Variants in AKAP7 observed in about 807,000 individuals in gnomAD.
AKAP7 encodes the protein A-kinase anchoring protein 7.
In AKAP7, 39 loss-of-function variants were observed where a neutral mutation model predicts 39.5. The ratio of observed to expected loss-of-function variants is 0.99; its 90% CI spans 0.76 to 1.29. The LOEUF (loss-of-function observed/expected upper bound fraction) is 1.29. Ranked by LOEUF, AKAP7 falls within the 50% of genes most tolerant of loss-of-function variation. The pLI is 0.00. For missense variants in AKAP7, 414 were observed against 407.7 expected, an observed-to-expected ratio of 1.02 and a Z score of -0.13; for synonymous variants, 140 against 139.1, an observed-to-expected ratio of 1.01 and a Z score of -0.05.
At chr6:131,269,244 G>A (rs1488387763) in intron 7 of AKAP7, among the ~76,000 whole-genome samples, 21 of 152,240 alleles carry the variant, frequency 1.4e-4, no homozygotes, top group Admixed American at 1.3e-3. Context: ...TGTATTTTTA[G>A]TGGAGACAAG....
chr6:131,127,744 T>C, the AKAP7 span, among the ~76,000 whole-genome samples: 2 of 152,234 alleles, frequency 1.3e-5, no homozygotes, highest in South Asian at 4.1e-4. Flanking sequence ...ATTGCAGCAC[T>C]ATTCACAATA....
intron 7 of AKAP7, chr6:131,250,486 C>T (rs570942589): frequency 5.6e-4 from 892 of 1,603,846 alleles, no homozygotes; most frequent in Non-Finnish European, 7.2e-4. Context: ...AGGGTGTGCT[C>T]GCAGACTGTG....
intron 5 of AKAP7, among the ~76,000 whole-genome samples, chr6:131,172,483 C>T (rs1276734313): frequency 1.3e-5 from 2 of 152,026 alleles, no homozygotes; most frequent in African/African-American, 4.8e-5. Context: ...CAGGTGTGTG[C>T]CACCATGGCC....
chr6:131,152,478 A>C (rs949711265), intron 2 of AKAP7, among the ~76,000 whole-genome samples: 2 of 152,234 alleles, frequency 1.3e-5, no homozygotes, highest in East Asian at 3.9e-4. Flanking sequence ...TTATACTTTG[A>C]CCATATATAA....
At chr6:131,209,785 C>T (rs2128290255) in intron 6 of AKAP7, among the ~76,000 whole-genome samples, 1 of 151,310 alleles carries the variant, frequency 6.6e-6, no homozygotes, top group East Asian at 2.0e-4. Context: ...TTTTCTTAGT[C>T]AAGGACAAAG....
At chr6:131,171,836 G>T (rs1804083076) in intron 5 of AKAP7, among the ~76,000 whole-genome samples, 3 of 152,148 alleles carry the variant, frequency 2.0e-5, no homozygotes, top group Non-Finnish European at 2.9e-5. Context: ...CAAGAGAGTG[G>T]TAGAATGTTT....
At chr6:131,193,195 G>A (rs1806583500) in intron 5 of AKAP7, among the ~76,000 whole-genome samples, 1 of 152,014 alleles carries the variant, frequency 6.6e-6, no homozygotes, top group Admixed American at 6.5e-5. Flanking sequence ...TCCTTATTCA[G>A]TATGATACGA....
At chr6:131,241,577 ATGTG>A (rs749601887) in intron 7 of AKAP7, among the ~76,000 whole-genome samples, 4,988 of 81,238 alleles carry the variant, frequency 0.061, 206 homozygotes, top group Middle Eastern at 0.097. Context: ...GATTATATAT[ATGTG>A]TGTGTGTGTG....
chr6:131,155,712 A>G (rs1262073826), intron 2 of AKAP7, among the ~76,000 whole-genome samples: 1 of 152,192 alleles, frequency 6.6e-6, no homozygotes, highest in African/African-American at 2.4e-5. Context: ...TCCAAAGGTG[A>G]CCTGTGAGTT....
chr6:131,266,135 G>C (rs1352651052), intron 7 of AKAP7, among the ~76,000 whole-genome samples: 1 of 152,150 alleles, frequency 6.6e-6, no homozygotes, highest in Non-Finnish European at 1.5e-5. Flanking sequence ...AGGAACAGTA[G>C]GACATTGTAG....
chr6:131,282,797 A>G lies in AKAP7; in HGVS notation c.*1071A>G. The G allele has an allele frequency of 2.0e-6, 1 of 490,698 alleles. No homozygotes were observed. 30.4% of individuals were successfully genotyped at this position (490,698 alleles called of 1,614,324 possible). ...ATTTTTTGAGCTACACTTGTGTTTTAGAATATCTGTTTCTGTAATATTGAG... is the reference window on the plus strand; with the variant it reads ...ATTTTTTGAGCTACACTTGTGTTTTGGAATATCTGTTTCTGTAATATTGAG... On this transcript the variant is annotated 3_prime_UTR_variant, in exon 8 of 8. Coordinates refer to ENST00000431975, the MANE Select transcript of AKAP7 (RefSeq NM_016377.4).
chr6:131,250,591 T>C lies in AKAP7; in HGVS notation c.850+30783T>C, dbSNP rs74455677. On this transcript the variant is annotated intron_variant, in intron 7 of 7. Transcript: ENST00000431975. ...CCATGGGCCAGCTTTGCTGCTTTCC[T>C]TTCTCAAGAGATGAAGGAAAAATCA... 248 of 1,614,054 alleles carry C rather than the reference T, an allele frequency of 1.5e-4. 1 individual carries two copies. In the African/African-American group the frequency reaches 2.9e-3, roughly 19 times the overall value.
chr6:131,223,822 C>A (rs866501353), intron 7 of AKAP7, among the ~76,000 whole-genome samples: 1 of 152,286 alleles, frequency 6.6e-6, no homozygotes, highest in Middle Eastern at 3.4e-3. Flanking sequence ...AAGCTTATAT[C>A]ATAGATTACC....
intron 7 of AKAP7, among the ~76,000 whole-genome samples, chr6:131,241,639 G>GTGTGTGTGTGTGTATAT (rs1811631781): frequency 2.2e-5 from 2 of 90,778 alleles, no homozygotes; most frequent in African/African-American, 8.7e-5. Flanking sequence ...ATATATATAT[G>GTGTGTGTGTGTGTATAT]ACAGTTATAG....
At position 131,266,698 on chromosome 6, in the gene AKAP7, TGTTGTTG is replaced by T. The variant is rs1269229754; in HGVS notation, c.851-14831_851-14825del. Among the ~76,000 whole-genome samples, 544 of 147,900 alleles carry T rather than the reference TGTTGTTG, an allele frequency of 3.7e-3. 7 individuals are homozygous for T. The highest frequency in any genetic ancestry group is 0.027 in the Admixed American group (378 of 14,054). On this transcript the variant is annotated intron_variant, in intron 7 of 7. Coordinates refer to ENST00000431975, the MANE Select transcript of AKAP7 (RefSeq NM_016377.4). Reference sequence around the variant, plus strand: ...CTGCAGGGGTTTTTGTTGTTGTTGTTGTTGTTGTTGTTTTTTAACGGTGTGCTCTGTC... The same window carrying T: ...CTGCAGGGGTTTTTGTTGTTGTTGTTTTGTTTTTTAACGGTGTGCTCTGTC...
intron 5 of AKAP7, among the ~76,000 whole-genome samples, chr6:131,179,631 C>A (rs1165464111): frequency 6.6e-6 from 1 of 151,986 alleles, no homozygotes. Flanking sequence ...ACTCTGGGGG[C>A]CTGAGGAGGG....
At chr6:131,233,809 C>T (rs543305141) in intron 7 of AKAP7, among the ~76,000 whole-genome samples, 4 of 152,222 alleles carry the variant, frequency 2.6e-5, no homozygotes, top group Admixed American at 1.3e-4. Flanking sequence ...GTCTGGATTA[C>T]CTCATGAAGT....
At chr6:131,256,669 TAAAAG>T (rs989248482) in intron 7 of AKAP7, among the ~76,000 whole-genome samples, 7 of 151,860 alleles carry the variant, frequency 4.6e-5, no homozygotes, top group African/African-American at 1.5e-4. Context: ...TTTTGGCTAA[TAAAAG>T]AAAGTTTCAT....
intron 5 of AKAP7, among the ~76,000 whole-genome samples, chr6:131,192,807 G>A (rs1288647804): frequency 6.6e-6 from 1 of 151,946 alleles, no homozygotes; most frequent in East Asian, 1.9e-4. Context: ...TTGCTTCTTT[G>A]GTTAAATCCT....
Sources: gnomAD v4.1 joint callset for allele counts (sites outside exome capture counted in the v4.1 genomes callset) on GRCh38, gnomAD v4.1.1 for gene constraint, MANE v1.5 for transcripts, NCBI Gene and HGNC (gene_info 2026-07-23, HGNC 2026-07-21) for gene names.